LAMA1: variants seen among roughly 807,000 people sequenced by gnomAD.
The protein encoded by LAMA1 is laminin subunit alpha-1.
A neutral mutation model predicts 348.7 loss-of-function variants in LAMA1; 219 were observed. The ratio of observed to expected loss-of-function variants is 0.63; its 90% CI spans 0.56 to 0.70. LAMA1 has a LOEUF of 0.70. LAMA1 is among the 30% of genes least tolerant of loss of function. LAMA1 has a pLI of 0.00. For synonymous variants in LAMA1, 1,487 were observed against 1,491.0 expected, an observed-to-expected ratio of 1.00 and a Z score of 0.06; for missense variants, 3,744 against 3,888.0, an observed-to-expected ratio of 0.96 and a Z score of 0.99.
At chr18:7,115,814 CAAAAA>C (rs557585224) in intron 1 of LAMA1, among the ~76,000 whole-genome samples, 4 of 94,840 alleles carry the variant, frequency 4.2e-5, no homozygotes, top group East Asian at 1.1e-3. Flanking sequence ...ACTAAAAATA[CAAAAA>C]AAAAAAAAAA....
In LAMA1 at chr18:6,979,762, G is replaced by GTA. The variant is rs1356711651; in HGVS notation, c.6007+758_6007+759insTA. On this transcript the variant is annotated intron_variant, in intron 42 of 62. Transcript: ENST00000389658. The stretch of plus-strand genomic sequence containing the variant: ...AAAATACAAAAAATTAGCCGGGGAC[G>GTA]GTGGCGGGCGCCTGTAGTCCCAGCT... Among the ~76,000 whole-genome samples, 31 of 151,846 alleles carry GTA rather than the reference G, an allele frequency of 2.0e-4. No homozygotes were observed. In the East Asian group the frequency reaches 5.1e-3, roughly 25 times the overall value.
rs117771145 is a variant in LAMA1, at chr18:7,000,949, T to C, written c.4383-952A>G. ...AGAATGTTCACAACCTGACAATCTC[T>C]TCCTGATAGCACAAACTTTAATTTA... On this transcript the variant is annotated intron_variant, in intron 30 of 62. Coordinates refer to ENST00000389658, the MANE Select transcript of LAMA1 (RefSeq NM_005559.4). 4.5e-3 allele frequency among the ~76,000 whole-genome samples: 687 copies of C among 152,294 alleles called. 19 individuals are homozygous for C. The East Asian group carries it at 0.056, about 12-fold the overall frequency.
intron 44 of LAMA1, among the ~76,000 whole-genome samples, chr18:6,976,590 ATTT>A (rs1202803144): frequency 1.4e-3 from 91 of 63,946 alleles, no homozygotes; most frequent in Middle Eastern, 0.013. Context: ...TTGGGCTTAT[ATTT>A]ATTTATTTAT....
chr18:7,037,500 T>C (rs2058000498), intron 12 of LAMA1, 78 bp downstream of exon 12: 2 of 1,538,360 alleles, frequency 1.3e-6, no homozygotes, highest in Non-Finnish European at 1.8e-6. Flanking sequence ...CTACCTAAAA[T>C]GCAGGCAGCG....
At chr18:7,029,273 T>C (rs1347515090) in intron 16 of LAMA1, among the ~76,000 whole-genome samples, 1 of 152,214 alleles carries the variant, frequency 6.6e-6, no homozygotes, top group Non-Finnish European at 1.5e-5. Context: ...ATGCCCACAC[T>C]GCTGGTCCTC....
chr18:6,981,562 A>G (rs2057711868), intron 41 of LAMA1, among the ~76,000 whole-genome samples: 2 of 152,290 alleles, frequency 1.3e-5, no homozygotes, highest in East Asian at 3.9e-4. Flanking sequence ...CAAGCTCCCA[A>G]TTTCACTACC....
intron 17 of LAMA1, among the ~76,000 whole-genome samples, chr18:7,025,553 T>C (rs921295710): frequency 7.1e-6 from 1 of 140,010 alleles, no homozygotes; most frequent in Non-Finnish European, 1.5e-5. Flanking sequence ...TAAATATCTG[T>C]TGAATCAATG....
intron 14 of LAMA1, among the ~76,000 whole-genome samples, chr18:7,033,437 T>C (rs9960452): frequency 0.21 from 28,841 of 139,298 alleles, 3,035 homozygotes; most frequent in Middle Eastern, 0.29. Context: ...GCCTGGGTGA[T>C]AGAGGGAGAC....
At chr18:7,064,074 G>T (rs969033838) in intron 3 of LAMA1, among the ~76,000 whole-genome samples, 2 of 152,022 alleles carry the variant, frequency 1.3e-5, no homozygotes, top group Admixed American at 1.3e-4. Context: ...TCCTGTCTTT[G>T]TATTGAAGGC....
At chr18:7,074,084 C>G (rs1288822777) in intron 3 of LAMA1, among the ~76,000 whole-genome samples, 2 of 152,106 alleles carry the variant, frequency 1.3e-5, no homozygotes, top group East Asian at 3.9e-4. Flanking sequence ...CTGACCTCCT[C>G]GGCCTCCCAA....
chr18:7,005,565 A>G (rs951036987), intron 29 of LAMA1, among the ~76,000 whole-genome samples: 2 of 152,208 alleles, frequency 1.3e-5, no homozygotes, highest in African/African-American at 4.8e-5. Flanking sequence ...CCTGGCCAAC[A>G]TGGTGAAACC....
At chr18:7,078,060 G>A (rs1373944450) in intron 3 of LAMA1, among the ~76,000 whole-genome samples, 37 of 114,172 alleles carry the variant, frequency 3.2e-4, no homozygotes, top group Non-Finnish European at 4.9e-4. Flanking sequence ...GTGAAACTCC[G>A]TCTCAAAAAA....
intron 1 of LAMA1, among the ~76,000 whole-genome samples, chr18:7,095,796 G>T (rs367931049): frequency 2.6e-5 from 4 of 152,216 alleles, no homozygotes; most frequent in Admixed American, 6.5e-5. Context: ...TAGGCCAGGC[G>T]CTGTGGCTCA....
At chr18:7,002,413 G>A (rs1039951142) in intron 29 of LAMA1, 28 bp from the exon 30 acceptor site, 248 of 1,610,606 alleles carry the variant, frequency 1.5e-4, no homozygotes, top group Non-Finnish European at 2.0e-4. Context: ...AAGGAAGGGG[G>A]AAAAAATGGG....
Position 7,002,268 on chromosome 18 carries a change from C to A in LAMA1, c.4378G>T (p.Ala1460Ser). ...GCTGCCCCTGTGGGGACTCACCTGGCAGGAGGGCTGTGAGGACAGGCACAC... is the reference window on the plus strand; with the variant it reads ...GCTGCCCCTGTGGGGACTCACCTGGAAGGAGGGCTGTGAGGACAGGCACAC... ...ALCACPHSPP[A>S]SFSPTCVLEG... The change falls in exon 30 of 63, where the codon GCC (alanine) becomes TCC (serine). Residue 1460 changes from alanine (A) to serine (S), a missense_variant. Physicochemically the swap from Ala to Ser is moderately conservative, Grantham distance 99. This residue lies in a region of LAMA1 where 1,983 missense variants were observed against 1,934.3 expected (regional missense o/e 1.03). Coordinates refer to ENST00000389658, the MANE Select transcript of LAMA1 (RefSeq NM_005559.4). The A allele has an allele frequency of 1.9e-6, 3 of 1,611,860 alleles. No homozygotes were observed. Among genetic ancestry groups the A allele is most frequent in the Non-Finnish European group, 2.5e-6 (3 of 1,179,918 alleles).
At chr18:7,044,959 T>G (rs1260855164) in intron 6 of LAMA1, 120 bp from the exon 7 acceptor site, 1 of 799,612 alleles carries the variant, frequency 1.3e-6, no homozygotes, top group South Asian at 1.4e-5. Flanking sequence ...AGAGGATATA[T>G]GATTATCATC....
intron 19 of LAMA1, among the ~76,000 whole-genome samples, chr18:7,018,650 C>A (rs1223584107): frequency 6.6e-6 from 1 of 152,132 alleles, no homozygotes; most frequent in African/African-American, 2.4e-5. Flanking sequence ...CCGCCTCGGC[C>A]TTCCAAAGTG....
In LAMA1 at chr18:6,993,726, T is replaced by C. The variant is rs141321442; in HGVS notation, c.4923A>G (p.Gln1641=). The change falls in exon 35 of 63, where the codon CAA becomes CAG. Residue 1641 remains glutamine, a synonymous_variant. Coordinates refer to ENST00000389658, the MANE Select transcript of LAMA1 (RefSeq NM_005559.4). The part of the protein sequence containing the change: ...KKLTRMLAST[Q]KVNRATERIF... ...TTCTCTCAGTTGCCCTATTCACCTTTTGGGTACTCGCTAACATCCTAGTGA... is the reference window on the plus strand; with the variant it reads ...TTCTCTCAGTTGCCCTATTCACCTTCTGGGTACTCGCTAACATCCTAGTGA... 8.1e-6 allele frequency: 13 copies of C among 1,613,666 alleles called. No homozygotes were observed. The highest frequency in any genetic ancestry group is 1.1e-5 in the Non-Finnish European group (13 of 1,179,676).
chr18:6,957,429 T>C (rs1309862431), intron 55 of LAMA1: 1 of 154,384 alleles, frequency 6.5e-6, no homozygotes, highest in Non-Finnish European at 1.4e-5. Context: ...ACCAGAGCTC[T>C]GACATTATGA....
Sources: allele counts gnomAD v4.1 joint callset (sites outside exome capture counted in the v4.1 genomes callset), GRCh38; gene constraint gnomAD v4.1.1; regional missense constraint gnomAD v4.1.1; transcripts MANE v1.5; gene names NCBI Gene and HGNC (gene_info 2026-07-23, HGNC 2026-07-21).